Variants in ZNF839 observed in about 807,000 individuals in gnomAD.
The protein encoded by ZNF839 is zinc finger protein 839, also known as renal carcinoma antigen NY-REN-50.
In ZNF839, 38 loss-of-function variants were observed where a neutral mutation model predicts 56.4. The ratio of observed to expected loss-of-function variants is 0.67; its 90% CI spans 0.52 to 0.88. The LOEUF (loss-of-function observed/expected upper bound fraction) is 0.88, where lower values mean the gene tolerates loss of function less well. Ranked by LOEUF, ZNF839 falls within the 40% of genes least tolerant of loss-of-function variation. The pLI is 0.00. For missense variants in ZNF839, 1,091 were observed against 1,177.6 expected (o/e 0.93, Z 1.08); for synonymous variants, 486 against 493.5 (o/e 0.98, Z 0.20).
At chr14:102,319,673 G>A, upstream of ZNF839, 10 of 1,208,616 alleles carry the variant, frequency 8.3e-6, no homozygotes, top group Non-Finnish European at 1.0e-5. This position sits in a 1 kb window ranked among gnomAD's most constrained non-coding sequence, Gnocchi z 4.5. Flanking sequence ...GTCTTGGCCT[G>A]CGAGGCACTC....
rs1567288699 is a variant in ZNF839, at chr14:102,328,378, ATAT to A, written c.1191+1492_1191+1494del. ...TCAAAAAAAAAAAAAAAAAAAAAAT[ATAT>A]ATATATATATATATATATATATATA... is the stretch of plus-strand genomic sequence containing the variant. On this transcript the variant is annotated intron_variant, in intron 2 of 7. Transcript: ENST00000442396. 9.6e-3 allele frequency among the ~76,000 whole-genome samples: 432 copies of A among 45,114 alleles called. 2 individuals carry two copies. The highest frequency in any genetic ancestry group is 0.036 in the African/African-American group (280 of 7,720). 29.6% of individuals were successfully genotyped at this position (45,114 alleles called of 152,430 possible).
At position 102,331,818 on chromosome 14, in the gene ZNF839, C is replaced by T. The variant is rs1032787359; in HGVS notation, c.1388C>T (p.Ala463Val). The T allele has an allele frequency of 7.6e-6, 12 of 1,579,540 alleles. No individual in the cohort carries two copies. The highest frequency in any genetic ancestry group is 2.3e-5 in the South Asian group (2 of 87,256). The part of the protein sequence containing the change: ...GGPAAAGEQR[A>V]SPSKARLKEF... ...CCTGCTGCGGCAGGGGAGCAGAGGG[C>T]GTCGCCAAGCAAAGCCAGGCTCAAG... Residue 463 changes from alanine (A) to valine (V), a missense_variant, in exon 3 of 8, where the codon GCG becomes GTG. This residue lies in a region of ZNF839 where 614 missense variants were observed against 629.2 expected (regional missense o/e 0.98). Transcript: ENST00000442396.
intron 7 of ZNF839, among the ~76,000 whole-genome samples, chr14:102,340,257 T>G (rs1199480162): frequency 6.8e-6 from 1 of 146,004 alleles, no homozygotes; most frequent in Non-Finnish European, 1.5e-5. Context: ...ATTACAGGCA[T>G]GAGCCACTAC....
chr14:102,320,011 G>A lies in ZNF839; in HGVS notation c.246G>A (p.Arg82=). The A allele has an allele frequency of 8.5e-7, 1 of 1,182,006 alleles. No homozygotes were observed. The highest frequency in any genetic ancestry group is 1.0e-6 in the Non-Finnish European group (1 of 956,568). 73.2% of individuals were successfully genotyped at this position (1,182,006 alleles called of 1,614,324 possible). ...AAQQAALQRG[R]GTEPPRLPRL... ...AACAGGCCGCCCTGCAGCGGGGCCG[G>A]GGCACCGAGCCCCCGCGCCTGCCGC... The change falls in exon 1 of 8, where the codon CGG becomes CGA. Residue 82 remains arginine (R), a synonymous_variant. Transcript: ENST00000442396.
rs200152705 is a variant in ZNF839, at chr14:102,341,626, C to T, written c.2231C>T (p.Pro744Leu). The change falls in exon 8 of 8, where the codon CCG (proline) becomes CTG (leucine). Residue 744 changes from proline to leucine, a missense_variant. Around this residue, in one of 3 missense-constraint regions of ZNF839, gnomAD observed 431 missense variants for 468.0 expected, o/e 0.92. Coordinates refer to ENST00000442396, the MANE Select transcript of ZNF839 (RefSeq NM_018335.6). ...GACACCTGGGACAGCCTGAGGAGCC[C>T]GGGTTTCTGCAGCCCTTTGTCATCT... Reference protein sequence around the residue: ...DQDTWDSLRSPGFCSPLSSGG... With the variant: ...DQDTWDSLRSLGFCSPLSSGG... 47 of 1,613,768 alleles carry T rather than the reference C, an allele frequency of 2.9e-5. No homozygotes were observed. Among genetic ancestry groups the T allele is most frequent in the South Asian group, 1.2e-4 (11 of 91,076 alleles).
At chr14:102,337,814 T>G (rs1885987895) in intron 5 of ZNF839, 1 of 152,296 alleles carries the variant, frequency 6.6e-6, no homozygotes, top group African/African-American at 2.4e-5. Flanking sequence ...CATCTCATGC[T>G]CTGTGGGGTT....
intron 2 of ZNF839, among the ~76,000 whole-genome samples, chr14:102,329,770 A>G (rs1035141605): frequency 2.3e-4 from 34 of 145,128 alleles, no homozygotes; most frequent in African/African-American, 8.7e-4. Context: ...ATAAGATCAT[A>G]TCTGCAAATA....
intron 1 of ZNF839, among the ~76,000 whole-genome samples, chr14:102,320,890 C>G (rs1248897831): frequency 6.6e-6 from 1 of 152,194 alleles, no homozygotes; most frequent in Admixed American, 6.5e-5. Flanking sequence ...AAAATTCCAC[C>G]CCATTTCAGC....
At chr14:102,329,073 C>T (rs2073632517) in intron 2 of ZNF839, among the ~76,000 whole-genome samples, 1 of 150,826 alleles carries the variant, frequency 6.6e-6, no homozygotes, top group Admixed American at 6.6e-5. Context: ...GGGTTCAAGT[C>T]GTTCTCCTGC....
rs1340844578 is a variant in ZNF839 at position 102,332,539 on chromosome 14, G to A, written c.1416+693G>A. ...TATCAGTCCCTGTTCTAGGGATGGA[G>A]GGGACAGTGTGCACAAGATAGACAG... On this transcript the variant is annotated intron_variant, in intron 3 of 7. Coordinates refer to ENST00000442396, the MANE Select transcript of ZNF839 (RefSeq NM_018335.6). The surrounding 1 kb of genome is among the most constrained non-coding windows in gnomAD (Gnocchi z 4.9). 6.6e-6 allele frequency among the ~76,000 whole-genome samples: 1 copy of A among 152,188 alleles called. No homozygotes were observed. Among genetic ancestry groups the A allele is most frequent in the Admixed American group, 6.5e-5 (1 of 15,274 alleles).
chr14:102,325,341 GAAA>G (rs199569682), intron 1 of ZNF839, among the ~76,000 whole-genome samples: 1 of 104,694 alleles, frequency 9.6e-6, no homozygotes, highest in African/African-American at 3.3e-5. Context: ...CCTAATCTCA[GAAA>G]AAAAAAAAAA....
At chr14:102,317,694 G>T (rs1409286484), upstream of ZNF839, 1 of 152,236 alleles carries the variant, frequency 6.6e-6, no homozygotes, top group Non-Finnish European at 1.5e-5. Flanking sequence ...ACCCGCTGGA[G>T]ACAGTGACCA....
intron 1 of ZNF839, among the ~76,000 whole-genome samples, chr14:102,325,382 G>A (rs1001844641): frequency 4.6e-5 from 7 of 151,810 alleles, no homozygotes; most frequent in Admixed American, 2.6e-4. Flanking sequence ...TACAATCAGC[G>A]GGCATTTATA....
chr14:102,319,037 C>A (rs1259291169), upstream of ZNF839, among the ~76,000 whole-genome samples: 1 of 152,172 alleles, frequency 6.6e-6, no homozygotes, highest in Non-Finnish European at 1.5e-5. The surrounding 1 kb of genome is among the most constrained non-coding windows in gnomAD (Gnocchi z 4.5). Context: ...AGAGCCTCAA[C>A]CGTAAGAAGG....
intron 1 of ZNF839, among the ~76,000 whole-genome samples, chr14:102,324,787 A>G (rs2073319670): frequency 6.6e-6 from 1 of 151,940 alleles, no homozygotes. Flanking sequence ...TGTCTCTACT[A>G]AAAATACAAA....
Position 102,341,840 on chromosome 14 carries a change from C to T in ZNF839, c.2445C>T (p.Tyr815=), listed in dbSNP as rs200007235. ...ATAGCGTGGCAGTGGACTGTGCCTA[C>T]AGGACTGTGCCCAAGCCAGGGCCTC... The part of the protein sequence containing the change: ...SVDSVAVDCA[Y]RTVPKPGPQP... Residue 815 remains tyrosine, a synonymous_variant, in exon 8 of 8, where the codon TAC becomes TAT. Transcript: ENST00000442396. 93 of 1,614,022 alleles carry T rather than the reference C, an allele frequency of 5.8e-5. No individual in the cohort carries two copies. The East Asian group carries it at 2.0e-3, about 35-fold the overall frequency.
chr14:102,331,847 G>A lies in ZNF839; in HGVS notation c.1416+1G>A. On this transcript the variant is annotated splice_donor_variant, in intron 3 of 7. Transcript: ENST00000442396. LOFTEE classifies it high-confidence loss of function. ...GCCAAGCAAAGCCAGGCTCAAGGAGGTACCTCACTCTTAAACCCTGTGCTT... is the reference window on the plus strand; with the variant it reads ...GCCAAGCAAAGCCAGGCTCAAGGAGATACCTCACTCTTAAACCCTGTGCTT... 6.4e-7 allele frequency: 1 copy of A among 1,555,482 alleles called. No individual in the cohort carries two copies. The highest frequency in any genetic ancestry group is 8.7e-7 in the Non-Finnish European group (1 of 1,154,822).
rs190836100 is a variant in ZNF839, at chr14:102,338,734, G to A, written c.1660-82G>A. On this transcript the variant is annotated intron_variant, in intron 5 of 7. Transcript: ENST00000442396. ...TTTGTAGATTTAATTCTATGAAGTC[G>A]TTTAATTCTTGCATGTGAATGTGCT... The A allele has an allele frequency of 1.2e-3, 1,827 of 1,582,154 alleles. 3 individuals are homozygous for A. Among genetic ancestry groups the A allele is most frequent in the Non-Finnish European group, 1.4e-3 (1,626 of 1,160,244 alleles).
At chr14:102,321,384 A>G (rs2073120225) in intron 1 of ZNF839, among the ~76,000 whole-genome samples, 1 of 152,212 alleles carries the variant, frequency 6.6e-6, no homozygotes, top group African/African-American at 2.4e-5. Flanking sequence ...ACTCCTCACC[A>G]TACCCTGCTG....
Sources: gnomAD v4.1 joint callset for allele counts (sites outside exome capture counted in the v4.1 genomes callset) on GRCh38, gnomAD v4.1.1 for gene constraint, gnomAD v4.1.1 regional missense constraint, Gnocchi (gnomAD v3.1) non-coding constraint, MANE v1.5 for transcripts, NCBI Gene and HGNC (gene_info 2026-07-23, HGNC 2026-07-21) for gene names.